SLC24A2: variants seen among roughly 807,000 people sequenced by gnomAD.
SLC24A2 encodes sodium/potassium/calcium exchanger 2.
SLC24A2 carries 36 observed loss-of-function variants against 62.0 expected under a neutral mutation model. That is an observed-to-expected ratio of 0.58 (90% CI 0.44 to 0.77). The LOEUF is 0.77. SLC24A2 is among the 30% of genes least tolerant of loss of function. SLC24A2 has a pLI of 0.00. For synonymous variants in SLC24A2, 358 were observed against 294.0 expected (o/e 1.22, Z -2.23); for missense variants, 846 against 817.9 (o/e 1.03, Z -0.42).
chr9:20,164,719 G>T, the SLC24A2 span, among the ~76,000 whole-genome samples: 1 of 151,910 alleles, frequency 6.6e-6, no homozygotes, highest in Non-Finnish European at 1.5e-5. Context: ...CAATAGCAAA[G>T]ACTTGGAACC....
At chr9:20,213,988 C>T in the SLC24A2 span, among the ~76,000 whole-genome samples, 1 of 152,126 alleles carries the variant, frequency 6.6e-6, no homozygotes, top group Non-Finnish European at 1.5e-5. Flanking sequence ...TGACTTATTT[C>T]GCTTGTCATA....
the SLC24A2 span, among the ~76,000 whole-genome samples, chr9:20,143,545 T>A: frequency 2.0e-5 from 3 of 152,188 alleles, no homozygotes; most frequent in Non-Finnish European, 4.4e-5. Context: ...AAGCTTCCAT[T>A]GGAGCCACAG....
chr9:20,209,484 C>T, the SLC24A2 span, among the ~76,000 whole-genome samples: 3 of 152,168 alleles, frequency 2.0e-5, no homozygotes, highest in Non-Finnish European at 4.4e-5. Flanking sequence ...CTCTCTTCCC[C>T]GAATTTGCCA....
intron 2 of SLC24A2, among the ~76,000 whole-genome samples, chr9:19,645,295 G>A (rs534038796): frequency 6.6e-6 from 1 of 152,140 alleles, no homozygotes; most frequent in South Asian, 2.1e-4. Context: ...GGAATATCTT[G>A]TATTGGTGGT....
chr9:20,154,907 G>A, the SLC24A2 span, among the ~76,000 whole-genome samples: 1,321 of 151,730 alleles, frequency 8.7e-3, 24 homozygotes, highest in African/African-American at 0.031. Flanking sequence ...CAACCCTGGT[G>A]GGAATGGGGC....
At chr9:20,126,836 T>C in the SLC24A2 span, among the ~76,000 whole-genome samples, 1 of 152,160 alleles carries the variant, frequency 6.6e-6, no homozygotes, top group South Asian at 2.1e-4. Context: ...GAGAATGTAG[T>C]GCCAGAGGCA....
At chr9:19,670,263 C>G (rs1819377417) in intron 2 of SLC24A2, among the ~76,000 whole-genome samples, 1 of 152,150 alleles carries the variant, frequency 6.6e-6, no homozygotes, top group Non-Finnish European at 1.5e-5. Context: ...CTCATCTAGC[C>G]TGGGTTATTC....
chr9:19,896,041 C>A, the SLC24A2 span: 1 of 1,332,002 alleles, frequency 7.5e-7, no homozygotes. Context: ...GGTCCCCTTG[C>A]CTCTGGGATG....
the SLC24A2 span, among the ~76,000 whole-genome samples, chr9:20,050,122 A>G: frequency 1.3e-5 from 2 of 151,872 alleles, no homozygotes; most frequent in Non-Finnish European, 2.9e-5. Flanking sequence ...ACATACACAC[A>G]CAGAGATAAC....
the SLC24A2 span, among the ~76,000 whole-genome samples, chr9:20,020,648 CACCATGGCAATTATAT>C: frequency 6.6e-6 from 1 of 152,106 alleles, no homozygotes; most frequent in Non-Finnish European, 1.5e-5. Context: ...TGTAGCAAAC[CACCATGGCAATTATAT>C]ACCTTTGTAA....
the SLC24A2 span, among the ~76,000 whole-genome samples, chr9:19,851,797 G>T: frequency 3.9e-5 from 6 of 152,172 alleles, no homozygotes; most frequent in African/African-American, 1.4e-4. Flanking sequence ...ACATACAAGT[G>T]CATGTATCTT....
chr9:20,091,654 A>G, the SLC24A2 span, among the ~76,000 whole-genome samples: 2 of 152,196 alleles, frequency 1.3e-5, no homozygotes, highest in African/African-American at 4.8e-5. Context: ...AAGGATAAGC[A>G]AATGTTGAGG....
chr9:20,222,998 G>A, the SLC24A2 span, among the ~76,000 whole-genome samples: 1 of 151,948 alleles, frequency 6.6e-6, no homozygotes, highest in South Asian at 2.1e-4. Context: ...TAGATGATAT[G>A]ATTATCTAGG....
intron 10 of SLC24A2, among the ~76,000 whole-genome samples, chr9:19,520,123 A>C (rs1423468858): frequency 2.0e-5 from 3 of 152,188 alleles, no homozygotes; most frequent in Non-Finnish European, 4.4e-5. Flanking sequence ...TAAGATATTC[A>C]ATGAGAAAGT....
the SLC24A2 span, among the ~76,000 whole-genome samples, chr9:20,196,522 T>A: frequency 8.5e-5 from 13 of 152,240 alleles, no homozygotes. Context: ...TTAGGACTTA[T>A]CTAGAAAAAT....
At chr9:20,074,415 C>T in the SLC24A2 span, among the ~76,000 whole-genome samples, 2 of 151,852 alleles carry the variant, frequency 1.3e-5, no homozygotes, top group African/African-American at 4.8e-5. Context: ...TGCCACTTAA[C>T]CATGGAGTCC....
chr9:20,034,163 G>A, the SLC24A2 span, among the ~76,000 whole-genome samples: 4 of 151,906 alleles, frequency 2.6e-5, no homozygotes, highest in African/African-American at 9.7e-5. Flanking sequence ...TATCCTTCCT[G>A]CTTGATTATC....
the SLC24A2 span, among the ~76,000 whole-genome samples, chr9:20,022,356 A>G: frequency 6.6e-6 from 1 of 152,222 alleles, no homozygotes; most frequent in South Asian, 2.1e-4. Flanking sequence ...TTTAAACCAT[A>G]TAACAATCCT....
chr9:19,554,873 A>C (rs1027808943), intron 7 of SLC24A2, among the ~76,000 whole-genome samples: 1 of 152,194 alleles, frequency 6.6e-6, no homozygotes, highest in Non-Finnish European at 1.5e-5. Context: ...AGATAATCAG[A>C]AACTGATGAC....
Sources: allele counts gnomAD v4.1 joint callset (sites outside exome capture counted in the v4.1 genomes callset), GRCh38; gene constraint gnomAD v4.1.1; transcripts MANE v1.5; gene names NCBI Gene and HGNC (gene_info 2026-07-23, HGNC 2026-07-21).